Variants in MRPL48 observed in about 807,000 individuals in gnomAD.
The protein encoded by MRPL48 is mitochondrial ribosomal protein L48.
A neutral mutation model predicts 32.9 loss-of-function variants in MRPL48; 16 were observed. The observed-to-expected ratio is 0.49, with a 90% confidence interval of 0.33 to 0.74. MRPL48 has a LOEUF of 0.74. Among genes scored for constraint, MRPL48 ranks in the 30% least tolerant of loss-of-function variants. MRPL48 has a pLI of 0.02. For missense variants in MRPL48, 206 were observed against 245.3 expected (o/e 0.84, Z 1.07); for synonymous variants, 94 against 89.2 (o/e 1.05, Z -0.31).
chr11:73,839,225 A>G (rs1185599601), intron 4 of MRPL48, among the ~76,000 whole-genome samples: 1 of 152,114 alleles, frequency 6.6e-6, no homozygotes, highest in African/African-American at 2.4e-5. Context: ...CCTGCTCTTG[A>G]CAGGTTGACC....
chr11:73,857,587 CTTTTTTTTTTTT>C (rs56265503), intron 5 of MRPL48, among the ~76,000 whole-genome samples: 3 of 88,636 alleles, frequency 3.4e-5, no homozygotes, highest in South Asian at 3.9e-4. Flanking sequence ...GCCGCATAGA[CTTTTTTTTTTTT>C]TTTTTTTTTT....
intron 7 of MRPL48, among the ~76,000 whole-genome samples, chr11:73,863,998 C>A (rs1051101054): frequency 4.6e-5 from 7 of 151,096 alleles, no homozygotes; most frequent in African/African-American, 1.7e-4. Flanking sequence ...TTTTGGTATT[C>A]TCTCTCTCTC....
At chr11:73,823,690 ATCT>A (rs1947828103) in intron 3 of MRPL48, among the ~76,000 whole-genome samples, 1 of 108,950 alleles carries the variant, frequency 9.2e-6, no homozygotes, top group African/African-American at 3.7e-5. Flanking sequence ...TAGAGACAGG[ATCT>A]TCTTATGTTG....
intron 3 of MRPL48, among the ~76,000 whole-genome samples, chr11:73,820,100 A>G (rs1223572818): frequency 2.6e-5 from 4 of 152,326 alleles, no homozygotes; most frequent in South Asian, 4.2e-4. Flanking sequence ...TTTCCTTCAC[A>G]TAAGAACCAA....
chr11:73,799,490 GGT>G (rs1565401949), intron 1 of MRPL48, among the ~76,000 whole-genome samples: 1 of 152,116 alleles, frequency 6.6e-6, no homozygotes, highest in East Asian at 1.9e-4. Context: ...CTGATTGTGG[GGT>G]CAGCTAGAAC....
chr11:73,847,802 A>C (rs1433248208), intron 5 of MRPL48, among the ~76,000 whole-genome samples: 1 of 151,540 alleles, frequency 6.6e-6, no homozygotes, highest in African/African-American at 2.4e-5. Flanking sequence ...CCAGTCTCGA[A>C]CTCCTGACCA....
At chr11:73,820,717 A>G (rs1197351913) in intron 3 of MRPL48, among the ~76,000 whole-genome samples, 1 of 146,738 alleles carries the variant, frequency 6.8e-6, no homozygotes, top group African/African-American at 2.6e-5. Flanking sequence ...ATCTTATTTT[A>G]TTTATTTGTT....
intron 6 of MRPL48, 118 bp downstream of exon 6, chr11:73,860,127 G>T: frequency 1.2e-6 from 1 of 837,832 alleles, no homozygotes; most frequent in Admixed American, 2.7e-5. Context: ...TGTTCTCCAG[G>T]TTCAGTTCTT....
At chr11:73,848,732 T>A (rs1200204229) in intron 5 of MRPL48, among the ~76,000 whole-genome samples, 2 of 152,282 alleles carry the variant, frequency 1.3e-5, no homozygotes, top group South Asian at 2.1e-4. Flanking sequence ...ACATATCTTA[T>A]CTCAGTATTT....
chr11:73,836,923 G>A (rs986802456), intron 4 of MRPL48, among the ~76,000 whole-genome samples: 7 of 152,156 alleles, frequency 4.6e-5, no homozygotes, highest in African/African-American at 1.7e-4. Flanking sequence ...ACTTTATATA[G>A]CATCAGGCCA....
intron 3 of MRPL48, among the ~76,000 whole-genome samples, chr11:73,819,719 A>AGC (rs1947738595): frequency 6.6e-6 from 1 of 151,994 alleles, no homozygotes; most frequent in Non-Finnish European, 1.5e-5. Flanking sequence ...CCACAAATTA[A>AGC]CCTGGTGTGG....
chr11:73,842,908 C>T (rs375329657), intron 4 of MRPL48: 1 of 152,278 alleles, frequency 6.6e-6, no homozygotes, highest in East Asian at 1.9e-4. Flanking sequence ...ACCCCTCAGA[C>T]TCAAGCCATC....
chr11:73,846,857 C>T (rs1165855748), intron 5 of MRPL48, among the ~76,000 whole-genome samples: 1 of 151,946 alleles, frequency 6.6e-6, no homozygotes, highest in African/African-American at 2.4e-5. Context: ...CACCAACTCG[C>T]CAAGCTGATT....
At chr11:73,812,573 A>T (rs1947583987) in intron 3 of MRPL48, among the ~76,000 whole-genome samples, 1 of 151,888 alleles carries the variant, frequency 6.6e-6, no homozygotes, top group African/African-American at 2.4e-5. Context: ...CACTGGCATG[A>T]ACTTGTAGTC....
chr11:73,863,023 C>T, intron 6 of MRPL48, 149 bp from the exon 7 acceptor site: 1 of 681,376 alleles, frequency 1.5e-6, no homozygotes, highest in Admixed American at 2.5e-5. Context: ...CCTGTAGAGG[C>T]CAGCTCAGAA....
chr11:73,811,089 TA>T, intron 3 of MRPL48, among the ~76,000 whole-genome samples: 1 of 152,118 alleles, frequency 6.6e-6, no homozygotes, highest in East Asian at 1.9e-4. Flanking sequence ...AGAGAGACCA[TA>T]GTGGAGAAAA....
chr11:73,811,818 A>G (rs1947572255), intron 3 of MRPL48, among the ~76,000 whole-genome samples: 1 of 152,202 alleles, frequency 6.6e-6, no homozygotes, highest in South Asian at 2.1e-4. Flanking sequence ...ATTGAAATGG[A>G]TGCATATGGG....
At chr11:73,861,671 T>C (rs12808395) in intron 6 of MRPL48, among the ~76,000 whole-genome samples, 8,558 of 152,246 alleles carry the variant, frequency 0.056, 265 homozygotes, top group Middle Eastern at 0.11. Context: ...GCCCGGCCAA[T>C]GGAGCTAGTT....
At chr11:73,809,471 T>G (rs981541488) in intron 3 of MRPL48, among the ~76,000 whole-genome samples, 1 of 142,154 alleles carries the variant, frequency 7.0e-6, no homozygotes, top group Admixed American at 7.5e-5. Context: ...ACCACTGCAC[T>G]CCAGCCTGGG....
Sources: gnomAD v4.1 joint callset for allele counts (sites outside exome capture counted in the v4.1 genomes callset) on GRCh38, gnomAD v4.1.1 for gene constraint, MANE v1.5 for transcripts, NCBI Gene and HGNC (gene_info 2026-07-23, HGNC 2026-07-21) for gene names.